USH2A: variants seen among roughly 807,000 people sequenced by gnomAD.
The protein encoded by USH2A is Usher syndrome 2A (autosomal recessive, mild).
Under a neutral mutation model 538.9 loss-of-function variants are expected in USH2A, and 443 were observed. That is an observed-to-expected ratio of 0.82 (90% CI 0.76 to 0.89). USH2A has a LOEUF of 0.89. USH2A is among the 40% of genes least tolerant of loss of function. The pLI, the probability that USH2A is intolerant of heterozygous loss-of-function variation, is 0.00. For synonymous variants in USH2A, 2,413 were observed against 2,273.5 expected, an observed-to-expected ratio of 1.06 and a Z score of -1.75; for missense variants, 6,633 against 6,324.8, an observed-to-expected ratio of 1.05 and a Z score of -1.65.
At chr1:216,214,937 C>G (rs901578220) in intron 15 of USH2A, among the ~76,000 whole-genome samples, 1 of 151,888 alleles carries the variant, frequency 6.6e-6, no homozygotes, top group African/African-American at 2.4e-5. Context: ...GGAAAGCATA[C>G]AGAAAATAGG....
intron 44 of USH2A, among the ~76,000 whole-genome samples, chr1:215,863,445 G>T (rs2102437122): frequency 6.6e-6 from 1 of 152,156 alleles, no homozygotes; most frequent in East Asian, 1.9e-4. Context: ...ATAAATTCAG[G>T]CAAAGTCAGA....
chr1:216,172,971 C>T (rs1310630018), intron 21 of USH2A, among the ~76,000 whole-genome samples: 2 of 152,142 alleles, frequency 1.3e-5, no homozygotes, highest in African/African-American at 4.8e-5. Flanking sequence ...CACGTTTCCA[C>T]CCTGAAATTC....
chr1:215,927,566 C>T (rs555519964), intron 38 of USH2A, among the ~76,000 whole-genome samples: 18 of 151,948 alleles, frequency 1.2e-4, no homozygotes, highest in Non-Finnish European at 2.2e-4. Flanking sequence ...TGTTCAACCA[C>T]CAATCACAAT....
At chr1:215,920,048 A>T (rs1266277631) in intron 38 of USH2A, among the ~76,000 whole-genome samples, 1 of 151,212 alleles carries the variant, frequency 6.6e-6, no homozygotes, top group Non-Finnish European at 1.5e-5. Context: ...TTGATATAAA[A>T]TGTCAGTTTA....
Position 215,634,626 on chromosome 1 carries a change from T to G in USH2A, c.15130A>C (p.Ile5044Leu), listed in dbSNP as rs761307028. Residue 5044 changes from isoleucine (I) to leucine (L), a missense_variant, in exon 70 of 72, where the codon ATA becomes CTA. Physicochemically the swap from Ile to Leu is conservative, Grantham distance 5 (BLOSUM62 2). Transcript: ENST00000307340. The part of the protein sequence containing the change: ...STEFYSELWF[I>L]VLMAMLGLIL... The stretch of plus-strand genomic sequence containing the variant: ...AAGCCCAGCATCGCCATTAACACTA[T>G]GAACCACAGCTCGCTGTAGAACTCT... The G allele has an allele frequency of 1.4e-5, 22 of 1,614,112 alleles. No homozygotes were observed. Among genetic ancestry groups the G allele is most frequent in the Non-Finnish European group, 1.9e-5 (22 of 1,180,046 alleles).
At chr1:215,789,226 A>T (rs1661904014) in intron 51 of USH2A, among the ~76,000 whole-genome samples, 1 of 152,228 alleles carries the variant, frequency 6.6e-6, no homozygotes. Flanking sequence ...TCATTCATTG[A>T]TACAAAGTGC....
chr1:216,036,689 A>C (rs2102516199), intron 32 of USH2A, among the ~76,000 whole-genome samples: 1 of 152,218 alleles, frequency 6.6e-6, no homozygotes, highest in African/African-American at 2.4e-5. Flanking sequence ...GCATTTCTAT[A>C]ATTATTTTCT....
intron 37 of USH2A, among the ~76,000 whole-genome samples, chr1:215,938,906 G>C (rs1436773): frequency 3.9e-5 from 6 of 151,982 alleles, no homozygotes; most frequent in African/African-American, 1.2e-4. Context: ...TGAATTCTAC[G>C]CCAGGCCTAC....
intron 58 of USH2A, among the ~76,000 whole-genome samples, chr1:215,755,365 C>CTT (rs1159812251): frequency 6.6e-6 from 1 of 152,102 alleles, no homozygotes; most frequent in East Asian, 1.9e-4. Flanking sequence ...CTAGAAAACT[C>CTT]TTTATATTGT....
At chr1:216,371,752 C>G (rs1483400384) in intron 3 of USH2A, among the ~76,000 whole-genome samples, 2 of 152,070 alleles carry the variant, frequency 1.3e-5, no homozygotes, top group East Asian at 3.9e-4. Context: ...CATGCTTTAC[C>G]TGCTGGACAG....
At chr1:216,147,593 C>T (rs951691717) in intron 21 of USH2A, among the ~76,000 whole-genome samples, 2 of 151,754 alleles carry the variant, frequency 1.3e-5, no homozygotes, top group African/African-American at 4.8e-5. Context: ...ACCCAATCTG[C>T]TCCCGACATT....
rs371926376 is a variant in USH2A, at chr1:216,416,471, T to G, written c.651+2043A>C. Among the ~76,000 whole-genome samples, 11 of 152,046 alleles carry G rather than the reference T, an allele frequency of 7.2e-5. No individual in the cohort carries two copies. The East Asian group carries it at 2.1e-3, about 29-fold the overall frequency. On this transcript the variant is annotated intron_variant, in intron 3 of 71. Transcript: ENST00000307340. ...TTATGCAAAAAAATAAATAAAAGAG[T>G]GTACAAATCGAAAAGGACAAGTTTT...
At chr1:216,040,379 C>CA (rs2102519682) in intron 32 of USH2A, among the ~76,000 whole-genome samples, 1 of 152,054 alleles carries the variant, frequency 6.6e-6, no homozygotes, top group Non-Finnish European at 1.5e-5. Flanking sequence ...TTGGCTTAAC[C>CA]AAAAGCAATT....
chr1:216,036,106 T>C (rs1400240773), intron 32 of USH2A, among the ~76,000 whole-genome samples: 2 of 152,132 alleles, frequency 1.3e-5, no homozygotes, highest in Admixed American at 6.6e-5. Context: ...AGGTCATCTA[T>C]GGTATTGGCT....
At chr1:215,978,612 C>A (rs1163760541) in intron 35 of USH2A, among the ~76,000 whole-genome samples, 1 of 152,080 alleles carries the variant, frequency 6.6e-6, no homozygotes, top group South Asian at 2.1e-4. Flanking sequence ...AATTAAATAA[C>A]AATTCAAGGG....
intron 4 of USH2A, among the ~76,000 whole-genome samples, chr1:216,341,506 A>T (rs765629327): frequency 2.0e-4 from 30 of 152,312 alleles, no homozygotes; most frequent in South Asian, 1.0e-3. Context: ...TTTAAATTTC[A>T]TATGGAAATA....
intron 44 of USH2A, among the ~76,000 whole-genome samples, chr1:215,857,189 G>C (rs1262461527): frequency 6.6e-6 from 1 of 151,984 alleles, no homozygotes; most frequent in Non-Finnish European, 1.5e-5. Context: ...GTACAAATAA[G>C]TAAATAAACA....
intron 32 of USH2A, among the ~76,000 whole-genome samples, chr1:216,041,937 T>G (rs2030295043): frequency 6.6e-6 from 1 of 152,002 alleles, no homozygotes; most frequent in African/African-American, 2.4e-5. Context: ...TACCAAACAT[T>G]CTGCAAATGT....
rs767291904 is a variant in USH2A at position 216,250,957 on chromosome 1, C to A, written c.2113G>T (p.Asp705Tyr). 1.2e-6 allele frequency: 2 copies of A among 1,614,034 alleles called. No homozygotes were observed. The highest frequency in any genetic ancestry group is 4.5e-5 in the East Asian group (2 of 44,826). ...CCTGAATTTTGGTGACAGGTAATAT[C>A]TCCATCCACTGTCCCAGAGGTATTG... The part of the protein sequence containing the change: ...NCNTSGTVDG[D>Y]ITCHQNSGQC... The change falls in exon 12 of 72, where the codon GAT becomes TAT. Residue 705 changes from aspartate (D) to tyrosine (Y), a missense_variant. By Grantham distance (160) the Asp-to-Tyr change is radical. Coordinates refer to ENST00000307340, the MANE Select transcript of USH2A (RefSeq NM_206933.4).
Sources: allele counts gnomAD v4.1 joint callset (sites outside exome capture counted in the v4.1 genomes callset), GRCh38; gene constraint gnomAD v4.1.1; transcripts MANE v1.5; gene names NCBI Gene and HGNC (gene_info 2026-07-23, HGNC 2026-07-21).